WDR7: variants seen among roughly 807,000 people sequenced by gnomAD.
WDR7 encodes WD repeat domain 7, also known as WD repeat-containing protein 7.
In WDR7, 46 loss-of-function variants were observed where a neutral mutation model predicts 169.4. The ratio of observed to expected loss-of-function variants is 0.27; its 90% CI spans 0.21 to 0.35. WDR7 has a LOEUF of 0.35. Ranked by LOEUF, WDR7 falls within the 10% of genes least tolerant of loss-of-function variation. The probability of loss-of-function intolerance (pLI) is 1.00; values close to 1 mark genes in which losing one functional copy is unlikely to be tolerated. For synonymous variants in WDR7, 612 were observed against 666.8 expected, an observed-to-expected ratio of 0.92 and a Z score of 1.27; for missense variants, 1,534 against 1,859.3, an observed-to-expected ratio of 0.83 and a Z score of 3.22.
At chr18:56,694,354 G>A (rs1377642743) in intron 9 of WDR7, among the ~76,000 whole-genome samples, 3 of 152,140 alleles carry the variant, frequency 2.0e-5, no homozygotes, top group Non-Finnish European at 2.9e-5. Context: ...GTGAAAAGTA[G>A]CATAAATGCT....
At chr18:56,962,992 A>G (rs576122105) in intron 26 of WDR7, among the ~76,000 whole-genome samples, 6 of 152,302 alleles carry the variant, frequency 3.9e-5, no homozygotes, top group South Asian at 4.1e-4. Flanking sequence ...TAGTTCTGTG[A>G]AAAGGAAATA....
intron 20 of WDR7, among the ~76,000 whole-genome samples, chr18:56,841,696 T>C (rs1328608054): frequency 3.3e-5 from 5 of 152,334 alleles, no homozygotes; most frequent in South Asian, 4.1e-4. Flanking sequence ...CTGATGTTTA[T>C]GTAGATTTTG....
intron 26 of WDR7, among the ~76,000 whole-genome samples, chr18:57,017,307 T>C (rs925961558): frequency 6.6e-6 from 1 of 152,216 alleles, no homozygotes; most frequent in Non-Finnish European, 1.5e-5. Flanking sequence ...CGGTGCTTGC[T>C]CTTACGAGAC....
chr18:56,752,228 G>T (rs1273731978), intron 14 of WDR7, among the ~76,000 whole-genome samples: 1 of 152,186 alleles, frequency 6.6e-6, no homozygotes, highest in Non-Finnish European at 1.5e-5. Context: ...TCCCGAGCCT[G>T]CAGGATAAAG....
At position 56,924,123 on chromosome 18, in the gene WDR7, CG is replaced by C; in HGVS notation, c.3713+17del. 6.2e-7 allele frequency: 1 copy of C among 1,606,726 alleles called. No individual in the cohort carries two copies. Among genetic ancestry groups the C allele is most frequent in the Non-Finnish European group, 8.5e-7 (1 of 1,178,030 alleles). On this transcript the variant is annotated intron_variant, in intron 22 of 27. Transcript: ENST00000254442. The stretch of plus-strand genomic sequence containing the variant: ...CAACTTGCCAAGTATGTGTGGATTC[CG>C]GTTAATTTAATTTGTCACTGTTTTT...
chr18:56,822,859 T>C (rs962022041), intron 20 of WDR7, among the ~76,000 whole-genome samples: 1 of 152,192 alleles, frequency 6.6e-6, no homozygotes, highest in African/African-American at 2.4e-5. Context: ...AAAATAAAAG[T>C]GTAAATTTCA....
chr18:57,011,855 G>A (rs1261785691), intron 26 of WDR7, among the ~76,000 whole-genome samples: 2 of 152,166 alleles, frequency 1.3e-5, no homozygotes, highest in Admixed American at 1.3e-4. Flanking sequence ...CATTTTGGTC[G>A]ATATTTTTAG....
Position 56,781,466 on chromosome 18 carries a change from A to G in WDR7, c.3067-67A>G, listed in dbSNP as rs2044316830. ...AGCCTTATTTCATTATAAATTTTCT[A>G]GTTTATGAATATTCACCTCCTCAAC... On this transcript the variant is annotated intron_variant, in intron 18 of 27. Coordinates refer to ENST00000254442, the MANE Select transcript of WDR7 (RefSeq NM_015285.3). 7 of 1,377,128 alleles carry G rather than the reference A, an allele frequency of 5.1e-6. No individual in the cohort carries two copies. In the East Asian group the frequency reaches 1.6e-4, roughly 31 times the overall value. 85.3% of individuals were successfully genotyped at this position (1,377,128 alleles called of 1,614,324 possible). A position where few individuals can be genotyped will look rare whatever the true frequency, so the allele number is the denominator to read the frequency against.
chr18:56,941,877 G>A (rs368915818), intron 25 of WDR7, among the ~76,000 whole-genome samples: 5 of 152,070 alleles, frequency 3.3e-5, no homozygotes, highest in African/African-American at 9.7e-5. Flanking sequence ...GTGTGCACAC[G>A]CACTCTGCCA....
intron 16 of WDR7, among the ~76,000 whole-genome samples, chr18:56,764,938 A>T (rs888382096): frequency 3.3e-5 from 5 of 152,184 alleles, no homozygotes; most frequent in African/African-American, 1.2e-4. Flanking sequence ...TATTAGGTGC[A>T]TAAACCTTTG....
At chr18:56,931,621 C>CT (rs146998910) in intron 22 of WDR7, among the ~76,000 whole-genome samples, 5,688 of 152,258 alleles carry the variant, frequency 0.037, 131 homozygotes, top group Non-Finnish European at 0.053. Flanking sequence ...TAATATAAAA[C>CT]TAATTAGTAA....
chr18:56,671,351 C>T (rs1008861093), intron 1 of WDR7, among the ~76,000 whole-genome samples: 3 of 146,482 alleles, frequency 2.0e-5, no homozygotes, highest in Non-Finnish European at 4.4e-5. Context: ...TGCAATGGTG[C>T]GATCTTGGCT....
intron 20 of WDR7, among the ~76,000 whole-genome samples, chr18:56,824,961 C>A (rs1490146801): frequency 6.6e-6 from 1 of 152,150 alleles, no homozygotes; most frequent in African/African-American, 2.4e-5. Context: ...GAGAACTAGA[C>A]CTGATAGAAT....
intron 16 of WDR7, among the ~76,000 whole-genome samples, chr18:56,763,877 CAT>C (rs2044020752): frequency 6.6e-6 from 1 of 152,054 alleles, no homozygotes; most frequent in Non-Finnish European, 1.5e-5. Context: ...CTTTTACTAT[CAT>C]ATTTGTAGGA....
chr18:56,941,795 A>G (rs1161619169), intron 25 of WDR7, among the ~76,000 whole-genome samples: 1 of 152,064 alleles, frequency 6.6e-6, no homozygotes, highest in Non-Finnish European at 1.5e-5. Context: ...GTTTCCTCCC[A>G]CATCCCAAAG....
At chr18:56,779,299 A>T in intron 17 of WDR7, 132 bp from the exon 18 acceptor site, 1 of 582,330 alleles carries the variant, frequency 1.7e-6, no homozygotes, top group Non-Finnish European at 2.9e-6. Flanking sequence ...GTCTACTATT[A>T]AATTGAAATC....
At chr18:56,667,608 TC>T (rs1446453712) in intron 1 of WDR7, among the ~76,000 whole-genome samples, 1 of 152,212 alleles carries the variant, frequency 6.6e-6, no homozygotes, top group African/African-American at 2.4e-5. Flanking sequence ...TGTCGATACT[TC>T]CCTAGGCATC....
chr18:56,878,366 C>T (rs564702761), intron 20 of WDR7, among the ~76,000 whole-genome samples: 1 of 152,228 alleles, frequency 6.6e-6, no homozygotes, highest in Admixed American at 6.5e-5. Flanking sequence ...CTCTTATTGC[C>T]TGGAAAACTT....
At chr18:56,899,014 A>T (rs1418891861) in intron 21 of WDR7, among the ~76,000 whole-genome samples, 1 of 152,098 alleles carries the variant, frequency 6.6e-6, no homozygotes, top group Non-Finnish European at 1.5e-5. Context: ...CAGAATAAAG[A>T]TAGATTTATA....
Sources: allele counts gnomAD v4.1 joint callset (sites outside exome capture counted in the v4.1 genomes callset), GRCh38; gene constraint gnomAD v4.1.1; transcripts MANE v1.5; gene names NCBI Gene and HGNC (gene_info 2026-07-23, HGNC 2026-07-21).